Variants in MAP4K4 observed in about 807,000 individuals in gnomAD.
MAP4K4 encodes HPK/GCK-like kinase HGK.
Under a neutral mutation model 189.6 loss-of-function variants are expected in MAP4K4, and 38 were observed. That is an observed-to-expected ratio of 0.20 (90% confidence interval 0.15 to 0.26). The LOEUF (loss-of-function observed/expected upper bound fraction) is 0.26. Ranked by LOEUF, MAP4K4 falls within the 10% of genes least tolerant of loss-of-function variation. The pLI is 1.00. For missense variants in MAP4K4, 1,054 were observed against 1,726.9 expected (o/e 0.61, Z 6.91); for synonymous variants, 610 against 624.3 (o/e 0.98, Z 0.34).
At position 101,832,200 on chromosome 2, in the gene MAP4K4, G is replaced by GT. The variant is rs140407611; in HGVS notation, c.639+350dup. ...CTTTTAAAAATATTGCCAATATAAA[G>GT]TAATAGCTTCATTTGAGTGAAATTT... On this transcript the variant is annotated intron_variant, in intron 7 of 32. Coordinates refer to ENST00000324219, the Ensembl canonical transcript of MAP4K4. 9.2e-3 allele frequency among the ~76,000 whole-genome samples: 1,397 copies of GT among 152,190 alleles called. 6 individuals carry two copies. The highest frequency in any genetic ancestry group is 0.014 in the Non-Finnish European group (976 of 68,010).
At chr2:101,700,528 A>AT in intron 2 of MAP4K4, among the ~76,000 whole-genome samples, 1 of 152,316 alleles carries the variant, frequency 6.6e-6, no homozygotes, top group Middle Eastern at 3.4e-3. Flanking sequence ...AAGCAGTTAC[A>AT]TTTTTATATT....
intron 2 of MAP4K4, among the ~76,000 whole-genome samples, chr2:101,723,415 G>A (rs1014420764): frequency 6.6e-6 from 1 of 152,208 alleles, no homozygotes; most frequent in African/African-American, 2.4e-5. Context: ...GTAAGGGTAA[G>A]AAAAATAGGC....
At chr2:101,838,839 C>A (rs997589231) in intron 9 of MAP4K4, among the ~76,000 whole-genome samples, 2 of 152,174 alleles carry the variant, frequency 1.3e-5, no homozygotes, top group Non-Finnish European at 2.9e-5. Context: ...TTCTAACTCA[C>A]ATTTTTAAAG....
At chr2:101,797,400 T>C (rs1160302426) in intron 3 of MAP4K4, 15 of 1,290,604 alleles carry the variant, frequency 1.2e-5, no homozygotes, top group Non-Finnish European at 1.5e-5. Context: ...CAGAAATGTA[T>C]CAGTTTTTGA....
At chr2:101,803,595 C>T (rs1426931293) in intron 3 of MAP4K4, among the ~76,000 whole-genome samples, 1 of 152,094 alleles carries the variant, frequency 6.6e-6, no homozygotes, top group African/African-American at 2.4e-5. Flanking sequence ...AAATTCTAGC[C>T]TAATTTGTCC....
intron 29 of MAP4K4, among the ~76,000 whole-genome samples, chr2:101,886,254 G>A (rs1454951029): frequency 6.6e-6 from 1 of 152,152 alleles, no homozygotes; most frequent in African/African-American, 2.4e-5. Flanking sequence ...TAAAGCTGCT[G>A]TTTCATTATC....
chr2:101,762,212 AT>A (rs1160356975), intron 2 of MAP4K4, among the ~76,000 whole-genome samples: 1 of 152,242 alleles, frequency 6.6e-6, no homozygotes, highest in Non-Finnish European at 1.5e-5. Flanking sequence ...TGTATCCCAC[AT>A]TTAAAGGCAC....
intron 12 of MAP4K4, among the ~76,000 whole-genome samples, chr2:101,845,619 G>GTAA (rs58217390): frequency 6.6e-6 from 1 of 152,240 alleles, no homozygotes; most frequent in African/African-American, 2.4e-5. Flanking sequence ...ATTTGTATAT[G>GTAA]TAAACATAGA....
intron 2 of MAP4K4, among the ~76,000 whole-genome samples, chr2:101,698,762 C>T (rs1389532858): frequency 6.6e-6 from 1 of 152,288 alleles, no homozygotes; most frequent in African/African-American, 2.4e-5. Context: ...AGGAAATAAG[C>T]TACACTCTTA....
At chr2:101,775,358 C>G (rs1047689925) in intron 2 of MAP4K4, among the ~76,000 whole-genome samples, 1 of 151,566 alleles carries the variant, frequency 6.6e-6, no homozygotes, top group African/African-American at 2.4e-5. Context: ...TGTATCTTAC[C>G]AAGTTTATTT....
intron 2 of MAP4K4, among the ~76,000 whole-genome samples, chr2:101,730,437 A>G (rs1247443682): frequency 2.0e-5 from 3 of 152,142 alleles, no homozygotes; most frequent in Non-Finnish European, 4.4e-5. Flanking sequence ...GGTTATAGCA[A>G]AAGAAGGCAG....
chr2:101,854,730 A>C (rs2097394937), intron 12 of MAP4K4, among the ~76,000 whole-genome samples: 1 of 152,188 alleles, frequency 6.6e-6, no homozygotes, highest in African/African-American at 2.4e-5. Flanking sequence ...TATGTCTAAC[A>C]TCCCTGATAG....
At chr2:101,879,429 A>G (rs2098318560) in intron 27 of MAP4K4, among the ~76,000 whole-genome samples, 1 of 152,074 alleles carries the variant, frequency 6.6e-6, no homozygotes, top group East Asian at 1.9e-4. Context: ...TTAACATTTT[A>G]TATTTCCCTC....
chr2:101,773,223 T>C (rs1356975487), intron 2 of MAP4K4, among the ~76,000 whole-genome samples: 1 of 152,196 alleles, frequency 6.6e-6, no homozygotes, highest in African/African-American at 2.4e-5. Context: ...GTAGAGACTC[T>C]GAATCAACCT....
chr2:101,839,739 G>A, intron 9 of MAP4K4, 80 bp from the exon 10 acceptor site: 1 of 1,079,546 alleles, frequency 9.3e-7, no homozygotes, highest in Non-Finnish European at 1.3e-6. Flanking sequence ...TCTTCTTTAT[G>A]TTGAGGCTTG....
intron 2 of MAP4K4, among the ~76,000 whole-genome samples, chr2:101,708,146 C>G (rs982893084): frequency 6.6e-6 from 1 of 152,156 alleles, no homozygotes; most frequent in African/African-American, 2.4e-5. Context: ...TCTCTACTAC[C>G]TCTTTTCCCC....
chr2:101,755,923 C>CTT (rs2072331761), intron 2 of MAP4K4, among the ~76,000 whole-genome samples: 1 of 77,182 alleles, frequency 1.3e-5, no homozygotes, highest in Non-Finnish European at 2.9e-5. Flanking sequence ...AGTATGAGTT[C>CTT]TTTTTCTTTT....
intron 29 of MAP4K4, among the ~76,000 whole-genome samples, chr2:101,886,809 A>G (rs2098491686): frequency 1.3e-5 from 2 of 152,186 alleles, no homozygotes; most frequent in South Asian, 4.2e-4. Flanking sequence ...TGGGAGGTCG[A>G]GGTCAGGAGA....
chr2:101,884,463 G>C (rs2098453410), intron 28 of MAP4K4, among the ~76,000 whole-genome samples: 1 of 152,158 alleles, frequency 6.6e-6, no homozygotes. Flanking sequence ...TTAACAAGGG[G>C]AGTTATCAGT....
Sources: allele counts gnomAD v4.1 joint callset (sites outside exome capture counted in the v4.1 genomes callset), GRCh38; gene constraint gnomAD v4.1.1; transcripts MANE v1.5; gene names NCBI Gene and HGNC (gene_info 2026-07-23, HGNC 2026-07-21).